Variants in SLC5A12 observed in about 807,000 individuals in gnomAD.
SLC5A12 encodes the protein sodium-coupled monocarboxylate transporter 2.
In SLC5A12, 46 loss-of-function variants were observed where a neutral mutation model predicts 72.7. The observed-to-expected ratio is 0.63, with a 90% CI of 0.50 to 0.81. SLC5A12 has a LOEUF of 0.81. Ranked by LOEUF, SLC5A12 falls within the 30% of genes least tolerant of loss-of-function variation. The pLI is 0.00. For synonymous variants in SLC5A12, 275 were observed against 264.4 expected (o/e 1.04, Z -0.39); for missense variants, 683 against 740.7 (o/e 0.92, Z 0.90).
chr11:26,697,347 T>G, intron 7 of SLC5A12, 95 bp from the exon 8 acceptor site: 1 of 1,072,164 alleles, frequency 9.3e-7, no homozygotes, highest in South Asian at 1.6e-5. Context: ...AGTGGTCTTC[T>G]CATCAGTGTT....
At chr11:26,681,425 A>T (rs1305257552) in intron 11 of SLC5A12, among the ~76,000 whole-genome samples, 2 of 152,268 alleles carry the variant, frequency 1.3e-5, no homozygotes, top group East Asian at 3.9e-4. Flanking sequence ...TCTTTAAATG[A>T]AGACATCAGA....
At chr11:26,695,791 A>G (rs1366696502) in intron 8 of SLC5A12, among the ~76,000 whole-genome samples, 1 of 151,958 alleles carries the variant, frequency 6.6e-6, no homozygotes, top group African/African-American at 2.4e-5. Context: ...AAACTCTACC[A>G]CTTCATAAAG....
intron 6 of SLC5A12, among the ~76,000 whole-genome samples, chr11:26,699,640 A>G (rs960890188): frequency 5.3e-5 from 8 of 152,118 alleles, no homozygotes; most frequent in African/African-American, 1.7e-4. Flanking sequence ...AGCAATACCG[A>G]TAATTGCATT....
intron 6 of SLC5A12, 131 bp from the exon 7 acceptor site, chr11:26,698,666 G>T (rs1328130240): frequency 5.4e-6 from 4 of 739,690 alleles, no homozygotes; most frequent in Admixed American, 3.3e-5. Flanking sequence ...TAGCCTTTAA[G>T]AATCACTACA....
intron 9 of SLC5A12, among the ~76,000 whole-genome samples, chr11:26,687,281 T>C (rs56835821): frequency 6.6e-6 from 1 of 152,160 alleles, no homozygotes; most frequent in South Asian, 2.1e-4. Context: ...AAAAGTACAC[T>C]GAATTCCAAT....
At chr11:26,713,691 C>T (rs1855284541) in intron 1 of SLC5A12, among the ~76,000 whole-genome samples, 1 of 152,136 alleles carries the variant, frequency 6.6e-6, no homozygotes, top group South Asian at 2.1e-4. Flanking sequence ...GATTATCTCT[C>T]TGTATTAGTT....
chr11:26,711,673 C>G (rs1855232306), intron 2 of SLC5A12, among the ~76,000 whole-genome samples: 1 of 152,038 alleles, frequency 6.6e-6, no homozygotes, highest in Non-Finnish European at 1.5e-5. Context: ...TCCTTCTATC[C>G]ATTTTCCTGA....
chr11:26,680,394 C>T (rs1361616761), intron 12 of SLC5A12, among the ~76,000 whole-genome samples: 8 of 76,108 alleles, frequency 1.1e-4, no homozygotes, highest in Admixed American at 1.6e-4. Flanking sequence ...TATATATATT[C>T]ATATATATAT....
At position 26,669,585 on chromosome 11, in the gene SLC5A12, G is replaced by C. The variant is rs1043643658; in HGVS notation, c.*1517C>G. The stretch of plus-strand genomic sequence containing the variant: ...TCCATTCTCCTTTTCTATTTGAGTG[G>C]AGGGAGAGAAGGCAAGGATTGGGCT... On this transcript the variant is annotated 3_prime_UTR_variant, in exon 15 of 15. Coordinates refer to ENST00000396005, the MANE Select transcript of SLC5A12 (RefSeq NM_178498.4). 1 of 151,774 alleles carries C rather than the reference G, an allele frequency of 6.6e-6. No individual in the cohort carries two copies. Among genetic ancestry groups the C allele is most frequent in the African/African-American group, 2.4e-5 (1 of 41,322 alleles). 9.4% of individuals were successfully genotyped at this position (151,774 alleles called of 1,614,324 possible). A position where few individuals can be genotyped will look rare whatever the true frequency, so the allele number is the denominator to read the frequency against.
rs1854051137 is a variant in SLC5A12, at chr11:26,668,500, A to G, written c.*2602T>C. 6.6e-6 allele frequency: 1 copy of G among 151,836 alleles called. No homozygotes were observed. The highest frequency in any genetic ancestry group is 6.6e-5 in the Admixed American group (1 of 15,194). The allele number at this position is 151,836 out of a possible 1,614,324, so 9.4% of individuals were successfully genotyped here. A position where few individuals can be genotyped will look rare whatever the true frequency, so the allele number is the denominator to read the frequency against. On this transcript the variant is annotated 3_prime_UTR_variant, in exon 15 of 15. Coordinates refer to ENST00000396005, the MANE Select transcript of SLC5A12 (RefSeq NM_178498.4). ...GTACTGCACCAGTGGCCTTGGCATG[A>G]CTCTGGGCTGCTAATCCTAGTGAGG...
At chr11:26,709,444 G>T in intron 3 of SLC5A12, 65 bp from the exon 4 acceptor site, 1 of 1,193,368 alleles carries the variant, frequency 8.4e-7, no homozygotes, top group Non-Finnish European at 1.2e-6. Flanking sequence ...CAAGTTTTAT[G>T]AGGAAAAAGA....
intron 9 of SLC5A12, 133 bp downstream of exon 9, chr11:26,692,354 ATG>A: frequency 1.6e-6 from 1 of 644,574 alleles, no homozygotes; most frequent in Non-Finnish European, 2.8e-6. Context: ...GTAAGAATCT[ATG>A]TGTGGGATTC....
intron 6 of SLC5A12, among the ~76,000 whole-genome samples, chr11:26,701,119 G>A (rs1005269781): frequency 6.6e-6 from 1 of 151,764 alleles, no homozygotes; most frequent in African/African-American, 2.4e-5. Flanking sequence ...TGCCCTCAAG[G>A]CTCCAGCTGT....
intron 12 of SLC5A12, 101 bp from the exon 13 acceptor site, chr11:26,678,916 G>T: frequency 3.3e-6 from 2 of 614,792 alleles, no homozygotes; most frequent in Non-Finnish European, 5.4e-6. Context: ...CATCTCAAAA[G>T]CCTAAATCAT....
chr11:26,692,569 G>A lies in SLC5A12; in HGVS notation c.1073C>T (p.Thr358Ile). ...TVASSINALA[T>I]VTFEDFVKSC... ...CTTGACAAAATCCTCAAAGGTCACT[G>A]TTGCCAAGGCATTGATGCTGGAAGC... The change falls in exon 9 of 15, where the codon ACA becomes ATA. Residue 358 changes from threonine (T) to isoleucine (I), a missense_variant. Transcript: ENST00000396005. 6.2e-7 allele frequency: 1 copy of A among 1,614,022 alleles called. No homozygotes were observed. Among genetic ancestry groups the A allele is most frequent in the Non-Finnish European group, 8.5e-7 (1 of 1,179,910 alleles).
chr11:26,683,553 A>G (rs369055809), intron 11 of SLC5A12, among the ~76,000 whole-genome samples: 36 of 152,310 alleles, frequency 2.4e-4, no homozygotes, highest in African/African-American at 8.4e-4. Flanking sequence ...GCAGTTCATA[A>G]CTACCTCTGC....
chr11:26,686,661 C>A, intron 9 of SLC5A12, 117 bp from the exon 10 acceptor site: 1 of 809,630 alleles, frequency 1.2e-6, no homozygotes, highest in East Asian at 2.7e-5. Context: ...GGGATCTCAG[C>A]GAGGACCATC....
rs945119489 is a variant in SLC5A12, at chr11:26,705,973, C to T, written c.526-2026G>A. Reference sequence around the variant, plus strand: ...ACACACACACACACACACACACACACACACACTTACCTTCTTTAATACTGA... The same window carrying T: ...ACACACACACACACACACACACACATACACACTTACCTTCTTTAATACTGA... On this transcript the variant is annotated intron_variant, in intron 4 of 14. Transcript: ENST00000396005. Among the ~76,000 whole-genome samples the T allele has an allele frequency of 7.0e-5, 9 of 128,316 alleles. 1 individual carries two copies. Among genetic ancestry groups the T allele is most frequent in the Non-Finnish European group, 1.3e-4 (8 of 61,336 alleles). The allele number at this position is 128,316 out of a possible 152,430, so 84.2% of individuals were successfully genotyped here. A position where few individuals can be genotyped will look rare whatever the true frequency, so the allele number is the denominator to read the frequency against.
intron 13 of SLC5A12, among the ~76,000 whole-genome samples, chr11:26,677,677 T>C (rs775350400): frequency 2.6e-5 from 4 of 152,192 alleles, no homozygotes; most frequent in Non-Finnish European, 2.9e-5. Context: ...GTCTATTCTT[T>C]ATCATAGCCA....
Sources: gnomAD v4.1 joint callset for allele counts (sites outside exome capture counted in the v4.1 genomes callset) on GRCh38, gnomAD v4.1.1 for gene constraint, MANE v1.5 for transcripts, NCBI Gene and HGNC (gene_info 2026-07-23, HGNC 2026-07-21) for gene names.